The following PCLO variants were observed in gnomAD, a reference collection of about 807,000 sequenced individuals.
PCLO encodes protein piccolo.
PCLO carries 82 observed loss-of-function variants against 427.5 expected under a neutral mutation model. The ratio of observed to expected loss-of-function variants is 0.19; its 90% confidence interval spans 0.16 to 0.23. The LOEUF is 0.23. Ranked by LOEUF, PCLO falls within the 10% of genes least tolerant of loss-of-function variation. The pLI is 1.00. For synonymous variants in PCLO, 2,357 were observed against 2,155.4 expected, an observed-to-expected ratio of 1.09 and a Z score of -2.59; for missense variants, 6,239 against 6,115.9, an observed-to-expected ratio of 1.02 and a Z score of -0.67.
intron 3 of PCLO, among the ~76,000 whole-genome samples, chr7:83,025,675 A>C (rs1788475086): frequency 6.6e-6 from 1 of 151,492 alleles, no homozygotes; most frequent in East Asian, 1.9e-4. Flanking sequence ...AGTTGAAATG[A>C]AGGAAAAAAT....
chr7:82,797,427 T>C (rs1583985385), intron 22 of PCLO, among the ~76,000 whole-genome samples: 1 of 152,178 alleles, frequency 6.6e-6, no homozygotes, highest in East Asian at 1.9e-4. Flanking sequence ...TAGATGTTTT[T>C]AGTGTAAATT....
intron 3 of PCLO, among the ~76,000 whole-genome samples, chr7:83,021,513 A>C (rs2116060025): frequency 6.6e-6 from 1 of 152,304 alleles, no homozygotes; most frequent in Non-Finnish European, 1.5e-5. Context: ...TGAAATGAGC[A>C]AACATAATGG....
At chr7:83,035,742 A>T (rs1160044261) in intron 3 of PCLO, among the ~76,000 whole-genome samples, 1 of 152,162 alleles carries the variant, frequency 6.6e-6, no homozygotes, top group African/African-American at 2.4e-5. Context: ...AGAAATACCA[A>T]TTCTTATGCT....
chr7:82,967,254 C>A (rs1162886303), intron 3 of PCLO, among the ~76,000 whole-genome samples: 4 of 147,846 alleles, frequency 2.7e-5, no homozygotes, highest in Non-Finnish European at 5.9e-5. Context: ...CGGCTCGCTG[C>A]AACCTCCACC....
chr7:83,039,526 T>C (rs1172259295), intron 3 of PCLO, among the ~76,000 whole-genome samples: 1 of 152,146 alleles, frequency 6.6e-6, no homozygotes, highest in Admixed American at 6.6e-5. Flanking sequence ...CATAGGTACA[T>C]GGGTTTATAC....
At chr7:82,774,977 T>C (rs949613967) in intron 22 of PCLO, among the ~76,000 whole-genome samples, 6 of 152,226 alleles carry the variant, frequency 3.9e-5, no homozygotes. Context: ...TAATGTCGTA[T>C]AGTTGAAACG....
intron 9 of PCLO, among the ~76,000 whole-genome samples, chr7:82,893,802 T>C (rs1793835773): frequency 1.3e-5 from 2 of 152,006 alleles, no homozygotes; most frequent in Admixed American, 1.3e-4. Context: ...TTCAGTCTGA[T>C]TCAATTATTT....
At chr7:83,070,419 G>T (rs1303155273) in intron 3 of PCLO, among the ~76,000 whole-genome samples, 1 of 142,086 alleles carries the variant, frequency 7.0e-6, no homozygotes, top group Non-Finnish European at 1.5e-5. Context: ...ACCAAGTCTC[G>T]CTCTGTCACC....
intron 3 of PCLO, among the ~76,000 whole-genome samples, chr7:83,101,239 C>A (rs1483239095): frequency 6.6e-6 from 1 of 151,660 alleles, no homozygotes; most frequent in African/African-American, 2.4e-5. Context: ...GAAAGACAAT[C>A]ATGATAGGTT....
chr7:82,761,425 G>T lies in PCLO; in HGVS notation c.15076C>A (p.Leu5026Ile). The change falls in exon 23 of 25, where the codon CTA becomes ATA. Residue 5026 changes from leucine to isoleucine, a missense_variant. Physicochemically the swap from Leu to Ile is conservative, Grantham distance 5. Coordinates refer to ENST00000333891, the MANE Select transcript of PCLO (RefSeq NM_033026.6). ...CTGCATTGGAGAATTTCAACTATTA[G>T]TTGTTCACCATCTGTCTTCATTTCC... ...KKEMKTDGEQ[L>I]IVEILQCRNI... The T allele has an allele frequency of 6.3e-7, 1 of 1,578,060 alleles. No individual in the cohort carries two copies. The highest frequency in any genetic ancestry group is 8.7e-7 in the Non-Finnish European group (1 of 1,153,508).
chr7:83,099,769 A>G (rs1356592726), intron 3 of PCLO, among the ~76,000 whole-genome samples: 1 of 152,194 alleles, frequency 6.6e-6, no homozygotes, highest in Non-Finnish European at 1.5e-5. Flanking sequence ...ATAAATTTTT[A>G]GATATAATCC....
At chr7:82,898,805 A>G (rs1407665061) in intron 9 of PCLO, among the ~76,000 whole-genome samples, 2 of 151,490 alleles carry the variant, frequency 1.3e-5, no homozygotes, top group East Asian at 3.9e-4. Context: ...TAAGACTACA[A>G]TAAAATCCAA....
intron 3 of PCLO, among the ~76,000 whole-genome samples, chr7:82,979,061 T>G (rs1488454170): frequency 6.6e-6 from 1 of 152,130 alleles, no homozygotes; most frequent in Non-Finnish European, 1.5e-5. Flanking sequence ...AGTCAATATT[T>G]AAGAAGGACT....
intron 3 of PCLO, among the ~76,000 whole-genome samples, chr7:83,030,400 A>C (rs1788637738): frequency 6.6e-6 from 1 of 152,228 alleles, no homozygotes; most frequent in Non-Finnish European, 1.5e-5. Context: ...ATATAACAGC[A>C]TGAGCAAAGG....
At chr7:82,805,150 A>G (rs6955428) in intron 21 of PCLO, among the ~76,000 whole-genome samples, 56,210 of 151,328 alleles carry the variant, frequency 0.37, 12,899 homozygotes, top group East Asian at 0.72. Flanking sequence ...CTACTCAGGG[A>G]CCTATGCACT....
intron 3 of PCLO, among the ~76,000 whole-genome samples, chr7:83,044,059 G>C (rs1170862215): frequency 6.6e-6 from 1 of 151,642 alleles, no homozygotes; most frequent in Non-Finnish European, 1.5e-5. Flanking sequence ...GTTCCGCATG[G>C]GCTAGAAAAG....
At chr7:83,050,208 G>GA (rs556193471) in intron 3 of PCLO, among the ~76,000 whole-genome samples, 6 of 5,458 alleles carry the variant, frequency 1.1e-3, no homozygotes, top group Admixed American at 4.9e-3. Context: ...CTGAAAAACT[G>GA]AAAAAAAAAA....
chr7:82,875,269 C>G (rs2116017145), intron 10 of PCLO, among the ~76,000 whole-genome samples: 1 of 152,086 alleles, frequency 6.6e-6, no homozygotes, highest in Non-Finnish European at 1.5e-5. Context: ...TCTTGAACTG[C>G]ATTTTTTTAT....
intron 6 of PCLO, among the ~76,000 whole-genome samples, chr7:82,940,160 G>C (rs1795045807): frequency 6.6e-6 from 1 of 152,160 alleles, no homozygotes; most frequent in African/African-American, 2.4e-5. Context: ...TGAAATCTGA[G>C]CTTGTTGATT....
Sources: gnomAD v4.1 joint callset for allele counts (sites outside exome capture counted in the v4.1 genomes callset) on GRCh38, gnomAD v4.1.1 for gene constraint, MANE v1.5 for transcripts, NCBI Gene and HGNC (gene_info 2026-07-23, HGNC 2026-07-21) for gene names.